Variants in SMIM14 observed in about 807,000 individuals in gnomAD.
SMIM14 encodes small integral membrane protein 14.
SMIM14 carries 5 observed loss-of-function variants against 12.6 expected under a neutral mutation model. The observed-to-expected ratio is 0.40, with a 90% confidence interval of 0.21 to 0.83. The LOEUF (loss-of-function observed/expected upper bound fraction) is 0.83, where lower values mean the gene tolerates loss of function less well. SMIM14 is among the 40% of genes least tolerant of loss of function. The pLI is 0.37. For synonymous variants in SMIM14, 30 were observed against 40.1 expected (o/e 0.75, Z 0.95); for missense variants, 86 against 119.1 (o/e 0.72, Z 1.29).
At chr4:39,626,771 T>C (rs1715717767) in intron 1 of SMIM14, among the ~76,000 whole-genome samples, 1 of 152,176 alleles carries the variant, frequency 6.6e-6, no homozygotes, top group Admixed American at 6.6e-5. Context: ...TGACCTTCTA[T>C]TCCATCACTA....
Position 39,563,891 on chromosome 4 carries a change from CTCTTCTTCTTCCCCTTCTCTTCCTCTTCT to C in SMIM14, c.125-7350_125-7322del, listed in dbSNP as rs1283230307. 4.0e-4 allele frequency among the ~76,000 whole-genome samples: 61 copies of C among 152,196 alleles called. 1 individual carries two copies. The highest frequency in any genetic ancestry group is 1.4e-3 in the African/African-American group (60 of 41,528). The stretch of plus-strand genomic sequence containing the variant: ...TTTCTTTCTCCTCTTCCTCCTCCTC[CTCTTCTTCTTCCCCTTCTCTTCCTCTTCT>C]TCTTCTTCTTCTATTATTATTATTT... On this transcript the variant is annotated intron_variant, in intron 3 of 4. Coordinates refer to ENST00000295958, the MANE Select transcript of SMIM14 (RefSeq NM_174921.3).
chr4:39,613,507 A>C (rs1355337168), intron 1 of SMIM14, among the ~76,000 whole-genome samples: 1 of 152,186 alleles, frequency 6.6e-6, no homozygotes, highest in Non-Finnish European at 1.5e-5. Context: ...TGAGGACCCA[A>C]GAACAAGTGT....
At chr4:39,583,896 A>G (rs1713644379) in intron 2 of SMIM14, 1 of 152,134 alleles carries the variant, frequency 6.6e-6, no homozygotes, top group Non-Finnish European at 1.5e-5. Context: ...ATGAAAAACA[A>G]TGCTGTGTAT....
In SMIM14 at chr4:39,585,761, C is replaced by G. The variant is rs556611691; in HGVS notation, c.76-13298G>C. 2.0e-5 allele frequency among the ~76,000 whole-genome samples: 3 copies of G among 152,038 alleles called. No individual in the cohort carries two copies. In the South Asian group the frequency reaches 6.2e-4, roughly 32 times the overall value. ...TTGTCCTGCAAGGCTCCAGGTAGCA[C>G]CAACCCCAAGGCTTTGATGACCAAA... On this transcript the variant is annotated intron_variant, in intron 2 of 4. Coordinates refer to ENST00000295958, the MANE Select transcript of SMIM14 (RefSeq NM_174921.3).
At chr4:39,563,950 A>G (rs986947452) in intron 3 of SMIM14, among the ~76,000 whole-genome samples, 1 of 150,970 alleles carries the variant, frequency 6.6e-6, no homozygotes, top group African/African-American at 2.4e-5. Context: ...TTATTTTGAG[A>G]CGGAGTCTTG....
chr4:39,576,210 T>C (rs1342052756), intron 2 of SMIM14, among the ~76,000 whole-genome samples: 1 of 151,870 alleles, frequency 6.6e-6, no homozygotes, highest in African/African-American at 2.4e-5. Flanking sequence ...TTTTTTTCTT[T>C]CTTTTTATAT....
At chr4:39,569,583 T>G (rs1480460285) in intron 3 of SMIM14, among the ~76,000 whole-genome samples, 1 of 151,994 alleles carries the variant, frequency 6.6e-6, no homozygotes, top group African/African-American at 2.4e-5. Context: ...AGAAATTATT[T>G]TGGAGAAGCC....
chr4:39,576,674 ATATATATATATTTTTTTT>A (rs1713195043), intron 2 of SMIM14, among the ~76,000 whole-genome samples: 2 of 28,216 alleles, frequency 7.1e-5, no homozygotes, highest in East Asian at 2.7e-3. Context: ...ATATATATAT[ATATATATATATTTTTTTT>A]TTTTTTTTTT....
At chr4:39,622,647 G>A (rs929216307) in intron 1 of SMIM14, among the ~76,000 whole-genome samples, 1 of 152,088 alleles carries the variant, frequency 6.6e-6, no homozygotes, top group Non-Finnish European at 1.5e-5. Flanking sequence ...GTGATCCGCC[G>A]CCTCTGCCTC....
At chr4:39,579,903 C>T (rs571407822) in intron 2 of SMIM14, among the ~76,000 whole-genome samples, 26 of 149,080 alleles carry the variant, frequency 1.7e-4, no homozygotes, top group Non-Finnish European at 2.7e-4. Context: ...AAATGTAGAT[C>T]AAAGAAGATT....
intron 2 of SMIM14, among the ~76,000 whole-genome samples, chr4:39,586,313 C>A (rs966309299): frequency 6.6e-6 from 1 of 152,002 alleles, no homozygotes; most frequent in Non-Finnish European, 1.5e-5. Context: ...ATTCCTTCAA[C>A]ATTTTGCTTA....
At chr4:39,579,422 A>G (rs2110019318) in intron 2 of SMIM14, among the ~76,000 whole-genome samples, 1 of 152,000 alleles carries the variant, frequency 6.6e-6, no homozygotes, top group South Asian at 2.1e-4. Flanking sequence ...AAAAAAAAAA[A>G]AAAGAAAAAA....
intron 1 of SMIM14, 179 bp downstream of exon 1, chr4:39,638,560 C>T: frequency 3.0e-6 from 3 of 984,040 alleles, no homozygotes; most frequent in Non-Finnish European, 3.6e-6. Flanking sequence ...GGCTCGGCAG[C>T]AGCGGAGCTT....
At chr4:39,575,243 A>G (rs974658713) in intron 2 of SMIM14, among the ~76,000 whole-genome samples, 3 of 152,094 alleles carry the variant, frequency 2.0e-5, no homozygotes, top group African/African-American at 7.2e-5. Flanking sequence ...GGATTTTATC[A>G]TATTGCCTAG....
intron 1 of SMIM14, among the ~76,000 whole-genome samples, chr4:39,632,104 A>G (rs558641206): frequency 1.3e-5 from 2 of 152,324 alleles, no homozygotes; most frequent in South Asian, 2.1e-4. Flanking sequence ...AAAATAAAAT[A>G]TGCATTTATA....
chr4:39,596,199 G>A (rs373960394), intron 2 of SMIM14, among the ~76,000 whole-genome samples: 16 of 152,088 alleles, frequency 1.1e-4, no homozygotes, highest in African/African-American at 3.9e-4. Flanking sequence ...AGGTCCAAGC[G>A]ATTCTCCTGC....
chr4:39,608,960 TAA>T (rs1472012330), intron 1 of SMIM14, among the ~76,000 whole-genome samples: 1 of 152,132 alleles, frequency 6.6e-6, no homozygotes, highest in Non-Finnish European at 1.5e-5. Context: ...AAAGACACTG[TAA>T]TGTACATTTT....
intron 1 of SMIM14, among the ~76,000 whole-genome samples, chr4:39,608,413 GA>G (rs1350221690): frequency 6.6e-6 from 1 of 152,190 alleles, no homozygotes; most frequent in African/African-American, 2.4e-5. Flanking sequence ...TCCATCAAGT[GA>G]AAAATGGATA....
intron 1 of SMIM14, chr4:39,638,071 G>A (rs1274346633): frequency 1.3e-5 from 2 of 152,236 alleles, no homozygotes; most frequent in African/African-American, 4.8e-5. Flanking sequence ...CCACTTTGGT[G>A]AAGTCTGCCT....
Sources: allele counts gnomAD v4.1 joint callset (sites outside exome capture counted in the v4.1 genomes callset), GRCh38; gene constraint gnomAD v4.1.1; transcripts MANE v1.5; gene names NCBI Gene and HGNC (gene_info 2026-07-23, HGNC 2026-07-21).